SNX18: variants seen among roughly 807,000 people sequenced by gnomAD.
SNX18 encodes sorting nexin-18.
A neutral mutation model predicts 48.7 loss-of-function variants in SNX18; 35 were observed. The ratio of observed to expected loss-of-function variants is 0.72; its 90% CI spans 0.55 to 0.95. The LOEUF is 0.95. SNX18 is among the 40% of genes least tolerant of loss of function. SNX18 has a pLI of 0.00. For missense variants in SNX18, 824 were observed against 871.0 expected, an observed-to-expected ratio of 0.95 and a Z score of 0.68; for synonymous variants, 492 against 384.7, an observed-to-expected ratio of 1.28 and a Z score of -3.26.
chr5:54,592,290 C>T, the SNX18 span, among the ~76,000 whole-genome samples: 38 of 152,076 alleles, frequency 2.5e-4, no homozygotes, highest in African/African-American at 8.7e-4. Context: ...TTCATCTCAC[C>T]TGAGCTGCCT....
chr5:54,595,294 G>A, the SNX18 span, among the ~76,000 whole-genome samples: 5 of 152,150 alleles, frequency 3.3e-5, no homozygotes, highest in Non-Finnish European at 1.5e-5. Context: ...AGAGTGCAGT[G>A]GCACAATCTC....
At chr5:54,641,009 G>A in the SNX18 span, among the ~76,000 whole-genome samples, 2 of 152,054 alleles carry the variant, frequency 1.3e-5, no homozygotes, top group African/African-American at 2.4e-5. Flanking sequence ...GAAGTGAGCC[G>A]AGATTGTGCC....
At chr5:54,609,407 C>T in the SNX18 span, among the ~76,000 whole-genome samples, 1 of 152,056 alleles carries the variant, frequency 6.6e-6, no homozygotes, top group East Asian at 1.9e-4. Flanking sequence ...GTCCCCAAAA[C>T]ACATCTTATC....
the SNX18 span, among the ~76,000 whole-genome samples, chr5:54,587,493 C>G: frequency 3.3e-5 from 5 of 152,104 alleles, no homozygotes; most frequent in African/African-American, 1.2e-4. Flanking sequence ...GTTTTCATCT[C>G]TATAGACTAA....
In SNX18 at chr5:54,519,035, C is replaced by G; in HGVS notation, c.1083C>G (p.Asn361Lys). The G allele has an allele frequency of 6.2e-7, 1 of 1,613,320 alleles. No individual in the cohort carries two copies. Among genetic ancestry groups the G allele is most frequent in the Non-Finnish European group, 8.5e-7 (1 of 1,179,608 alleles). ...GGAAGGGCCTGATCTGGTGGATGAA[C>G]CACATGGCCAGCCACCCAGTGCTGG... ...KRRKGLIWWM[N>K]HMASHPVLAQ... Residue 361 changes from asparagine to lysine, a missense_variant, in exon 1 of 2, where the codon AAC (asparagine) becomes AAG (lysine). Physicochemically the swap from Asn to Lys is moderately conservative, Grantham distance 94 (BLOSUM62 0). Transcript: ENST00000381410.
intron 1 of SNX18, among the ~76,000 whole-genome samples, chr5:54,527,153 AAGCAATTACAGGATTTTG>A (rs1219784143): frequency 6.6e-6 from 1 of 152,178 alleles, no homozygotes; most frequent in East Asian, 1.9e-4. Flanking sequence ...AGTCAGATGG[AAGCAATTACAGGATTTTG>A]AGCCAAGGTA....
intron 1 of SNX18, among the ~76,000 whole-genome samples, chr5:54,533,074 C>CT (rs1446352514): frequency 6.6e-6 from 1 of 152,046 alleles, no homozygotes; most frequent in African/African-American, 2.4e-5. Flanking sequence ...GGCCTGAATT[C>CT]TTTAAGTGAT....
At chr5:54,639,940 T>C in the SNX18 span, among the ~76,000 whole-genome samples, 1 of 152,122 alleles carries the variant, frequency 6.6e-6, no homozygotes, top group Non-Finnish European at 1.5e-5. Flanking sequence ...ACTAAAAGAA[T>C]CATCAGTTCC....
chr5:54,612,092 A>T, the SNX18 span, among the ~76,000 whole-genome samples: 1 of 151,976 alleles, frequency 6.6e-6, no homozygotes, highest in Non-Finnish European at 1.5e-5. Context: ...TATTGCCCAG[A>T]CTGATCTTGA....
At chr5:54,613,117 T>G in the SNX18 span, among the ~76,000 whole-genome samples, 1 of 152,188 alleles carries the variant, frequency 6.6e-6, no homozygotes, top group Non-Finnish European at 1.5e-5. Context: ...CAAGGGCAGG[T>G]GGGTACCAAT....
At chr5:54,584,446 T>C in the SNX18 span, among the ~76,000 whole-genome samples, 1 of 152,166 alleles carries the variant, frequency 6.6e-6, no homozygotes, top group Non-Finnish European at 1.5e-5. Context: ...AATGTGCTTA[T>C]GGAGACTAAT....
At chr5:54,625,413 G>A in the SNX18 span, among the ~76,000 whole-genome samples, 50 of 152,264 alleles carry the variant, frequency 3.3e-4, no homozygotes, top group African/African-American at 1.2e-3. Context: ...TATGGCTGTT[G>A]GCAGCCCTTA....
Position 54,519,024 on chromosome 5 carries a change from T to C in SNX18, c.1072T>C (p.Trp358Arg). The C allele has an allele frequency of 6.2e-7, 1 of 1,613,338 alleles. No homozygotes were observed. Among genetic ancestry groups the C allele is most frequent in the Non-Finnish European group, 8.5e-7 (1 of 1,179,602 alleles). Residue 358 changes from tryptophan to arginine, a missense_variant, in exon 1 of 2, where the codon TGG becomes CGG. By Grantham distance (101) the Trp-to-Arg change is moderately radical (BLOSUM62 -3). Transcript: ENST00000381410. Reference protein sequence around the residue: ...FISKRRKGLIWWMNHMASHPV... With the variant: ...FISKRRKGLIRWMNHMASHPV... Reference sequence around the variant, plus strand: ...CTCTAAGCGCAGGAAGGGCCTGATCTGGTGGATGAACCACATGGCCAGCCA... The same window carrying C: ...CTCTAAGCGCAGGAAGGGCCTGATCCGGTGGATGAACCACATGGCCAGCCA...
At chr5:54,615,389 G>A in the SNX18 span, among the ~76,000 whole-genome samples, 3 of 152,042 alleles carry the variant, frequency 2.0e-5, no homozygotes, top group Non-Finnish European at 4.4e-5. Flanking sequence ...TCCCTTTGCT[G>A]GGTGTACCCC....
At chr5:54,645,215 T>C in the SNX18 span, 417 of 152,336 alleles carry the variant, frequency 2.7e-3, 1 homozygote, top group African/African-American at 9.6e-3. Context: ...CCTGAGTTAT[T>C]TGGATACAAA....
the SNX18 span, among the ~76,000 whole-genome samples, chr5:54,630,729 G>A: frequency 6.6e-6 from 1 of 151,786 alleles, no homozygotes; most frequent in Non-Finnish European, 1.5e-5. Flanking sequence ...AGTTACTCTG[G>A]AGGCTGAGGC....
In SNX18 at chr5:54,518,013, C is replaced by G; in HGVS notation, c.61C>G (p.Leu21Val). Reference protein sequence around the residue: ...FRSENPGEISLREHEVLSLCS... With the variant: ...FRSENPGEISVREHEVLSLCS... ...GTCGGAGAACCCAGGAGAGATCTCG[C>G]TGCGAGAGCACGAGGTGCTGAGCCT... Residue 21 changes from leucine to valine, a missense_variant, in exon 1 of 2, where the codon CTG (leucine) becomes GTG (valine). This residue lies in a region of SNX18 where 377 missense variants were observed against 350.6 expected (regional missense o/e 1.08). Coordinates refer to ENST00000381410, the MANE Select transcript of SNX18 (RefSeq NM_001102575.2). 1 of 1,548,270 alleles carries G rather than the reference C, an allele frequency of 6.5e-7. No homozygotes were observed. Among genetic ancestry groups the G allele is most frequent in the South Asian group, 1.2e-5 (1 of 84,416 alleles).
At position 54,519,095 on chromosome 5, in the gene SNX18, C is replaced by T. The variant is rs1278268558; in HGVS notation, c.1143C>T (p.Cys381=). 6.2e-7 allele frequency: 1 copy of T among 1,614,074 alleles called. No individual in the cohort carries two copies. Among genetic ancestry groups the T allele is most frequent in the Non-Finnish European group, 8.5e-7 (1 of 1,180,024 alleles). Reference sequence around the variant, plus strand: ...ACGTCTTCCAGCACTTCCTGACGTGCCCCAGCAGCACCGACGAGAAAGCCT... The same window carrying T: ...ACGTCTTCCAGCACTTCCTGACGTGTCCCAGCAGCACCGACGAGAAAGCCT... ...QCDVFQHFLT[C]PSSTDEKAWK... Residue 381 remains cysteine (C), a synonymous_variant, in exon 1 of 2, where the codon TGC becomes TGT. Transcript: ENST00000381410.
At chr5:54,595,365 A>T in the SNX18 span, among the ~76,000 whole-genome samples, 2 of 152,128 alleles carry the variant, frequency 1.3e-5, no homozygotes, top group African/African-American at 4.8e-5. Flanking sequence ...CCTCCTGAGC[A>T]GCTGGGACTA....
Sources: allele counts gnomAD v4.1 joint callset (sites outside exome capture counted in the v4.1 genomes callset), GRCh38; gene constraint gnomAD v4.1.1; regional missense constraint gnomAD v4.1.1; transcripts MANE v1.5; gene names NCBI Gene and HGNC (gene_info 2026-07-23, HGNC 2026-07-21).